GSE1: variants seen among roughly 807,000 people sequenced by gnomAD.
GSE1 encodes genetic suppressor element 1.
GSE1 carries 32 observed loss-of-function variants against 112.6 expected under a neutral mutation model. That is an observed-to-expected ratio of 0.28 (90% CI 0.21 to 0.38). GSE1 has a LOEUF of 0.38. Among genes scored for constraint, GSE1 ranks in the 10% least tolerant of loss-of-function variants. The pLI is 1.00. For missense variants in GSE1, 2,348 were observed against 1,699.2 expected (o/e 1.38, Z -6.71); for synonymous variants, 1,115 against 735.6 (o/e 1.52, Z -8.35).
chr16:85,176,998 G>C (rs572401678), intron 1 of GSE1, among the ~76,000 whole-genome samples: 12 of 152,360 alleles, frequency 7.9e-5, no homozygotes, highest in African/African-American at 2.6e-4. Flanking sequence ...GCCTGGCTGG[G>C]GCTGGTACTG....
chr16:85,564,381 G>A (rs759328420), intron 1 of GSE1, among the ~76,000 whole-genome samples: 7 of 152,214 alleles, frequency 4.6e-5, no homozygotes, highest in Non-Finnish European at 1.0e-4. Flanking sequence ...CCCACGTTGT[G>A]GTGTTGGTGG....
Position 85,672,419 on chromosome 16 carries a change from G to T in GSE1, c.3534G>T (p.Gln1178His). 1.2e-6 allele frequency: 2 copies of T among 1,612,270 alleles called. No individual in the cohort carries two copies. The highest frequency in any genetic ancestry group is 2.7e-5 in the African/African-American group (2 of 74,996). Residue 1178 changes from glutamine (Q) to histidine (H), a missense_variant, in exon 16 of 16, where the codon CAG becomes CAT. Gln to His is a conservative substitution (Grantham distance 24). Transcript: ENST00000253458. Reference sequence around the variant, plus strand: ...CCTCTCTCCAGGAGTTGAGGAGCCAGAAACAGAAGATGGTCTCAGAAAGGG... The same window carrying T: ...CCTCTCTCCAGGAGTTGAGGAGCCATAAACAGAAGATGGTCTCAGAAAGGG... ...LSHSVAELRSQKQKMVSERER... is the reference protein window; with the variant it reads ...LSHSVAELRSHKQKMVSERER...
chr16:85,195,560 A>C (rs2074910716), intron 1 of GSE1, among the ~76,000 whole-genome samples: 1 of 152,180 alleles, frequency 6.6e-6, no homozygotes, highest in Non-Finnish European at 1.5e-5. Flanking sequence ...CACATTTGTC[A>C]AATCCGCCTT....
At chr16:85,278,901 ACT>A (rs2044772984) in intron 1 of GSE1, 1 of 170,406 alleles carries the variant, frequency 5.9e-6, no homozygotes, top group South Asian at 1.5e-4. Flanking sequence ...TCTGCGAATG[ACT>A]CTTTCTTGGT....
At chr16:85,317,321 C>T (rs1373954201) in intron 1 of GSE1, among the ~76,000 whole-genome samples, 3 of 152,144 alleles carry the variant, frequency 2.0e-5, no homozygotes, top group Non-Finnish European at 2.9e-5. Context: ...TCCTGTAGAA[C>T]GTCGATAGCC....
chr16:85,248,200 C>A (rs767934555), intron 1 of GSE1, among the ~76,000 whole-genome samples: 7 of 152,122 alleles, frequency 4.6e-5, no homozygotes, highest in Non-Finnish European at 8.8e-5. Flanking sequence ...GATCCCTGTA[C>A]CCCTCAGAGA....
intron 2 of GSE1, among the ~76,000 whole-genome samples, chr16:85,462,431 C>G (rs534820256): frequency 1.3e-5 from 2 of 152,060 alleles, no homozygotes; most frequent in South Asian, 4.2e-4. Flanking sequence ...CCCCTCCTCC[C>G]TGATGAAAAA....
At chr16:85,226,405 TA>T (rs1597844076) in intron 1 of GSE1, among the ~76,000 whole-genome samples, 1 of 152,180 alleles carries the variant, frequency 6.6e-6, no homozygotes, top group African/African-American at 2.4e-5. Context: ...AAGTAAAAAA[TA>T]TTAAGTAAAG....
chr16:85,649,663 G>A (rs114763895), intron 3 of GSE1, among the ~76,000 whole-genome samples: 2,467 of 152,288 alleles, frequency 0.016, 71 homozygotes, highest in African/African-American at 0.056. Context: ...GCAGCCTGGA[G>A]TGGGCCCTTC....
chr16:85,205,250 A>G (rs746378346), intron 1 of GSE1, among the ~76,000 whole-genome samples: 3 of 151,706 alleles, frequency 2.0e-5, no homozygotes, highest in South Asian at 4.2e-4. Flanking sequence ...TCCTGCCTCA[A>G]CCTCCCGAGT....
intron 2 of GSE1, among the ~76,000 whole-genome samples, chr16:85,532,800 A>G (rs554108429): frequency 2.0e-5 from 3 of 152,232 alleles, no homozygotes; most frequent in Admixed American, 6.5e-5. Context: ...GCCTGTTCTT[A>G]TATGTGAGGG....
chr16:85,276,677 A>G (rs919128332), intron 1 of GSE1, among the ~76,000 whole-genome samples: 2 of 152,138 alleles, frequency 1.3e-5, no homozygotes, highest in Non-Finnish European at 2.9e-5. Context: ...GGCGGGAGAC[A>G]GGATGGACCC....
At chr16:85,321,655 T>C (rs1158543595) in intron 1 of GSE1, among the ~76,000 whole-genome samples, 1 of 151,074 alleles carries the variant, frequency 6.6e-6, no homozygotes, top group Non-Finnish European at 1.5e-5. Context: ...TTTGTTAATA[T>C]AAATAATAAT....
intron 1 of GSE1, among the ~76,000 whole-genome samples, chr16:85,188,846 C>T (rs1366260142): frequency 6.6e-6 from 1 of 151,446 alleles, no homozygotes; most frequent in Non-Finnish European, 1.5e-5. Context: ...CAGGAGTTTA[C>T]AAAGATCCAT....
At chr16:85,613,518 GGAGT>G in intron 1 of GSE1, 120 bp downstream of exon 1, 2 of 933,112 alleles carry the variant, frequency 2.1e-6, no homozygotes, top group Non-Finnish European at 3.2e-6. Context: ...CAACTTCCCC[GGAGT>G]GTTAGCGGCG....
intron 2 of GSE1, among the ~76,000 whole-genome samples, chr16:85,521,142 G>A (rs2052171461): frequency 2.0e-5 from 3 of 152,242 alleles, no homozygotes; most frequent in Non-Finnish European, 4.4e-5. Flanking sequence ...AGTGCTGGGA[G>A]GCCTTGGACT....
At chr16:85,567,435 C>G (rs1049907900) in intron 1 of GSE1, among the ~76,000 whole-genome samples, 1 of 152,214 alleles carries the variant, frequency 6.6e-6, no homozygotes, top group African/African-American at 2.4e-5. Flanking sequence ...CCCGAGTCGT[C>G]TGAAGGCTCC....
chr16:85,192,895 C>T (rs184713671), intron 1 of GSE1, among the ~76,000 whole-genome samples: 11 of 152,250 alleles, frequency 7.2e-5, no homozygotes, highest in Admixed American at 3.9e-4. Flanking sequence ...TGTGTAAATG[C>T]CCTCGCAAAC....
intron 1 of GSE1, among the ~76,000 whole-genome samples, chr16:85,585,783 AGT>A (rs1359149505): frequency 1.3e-5 from 2 of 152,228 alleles, no homozygotes; most frequent in African/African-American, 4.8e-5. Context: ...CTTCCCAGCC[AGT>A]GTCTTAAGTG....
Sources: gnomAD v4.1 joint callset for allele counts (sites outside exome capture counted in the v4.1 genomes callset) on GRCh38, gnomAD v4.1.1 for gene constraint, MANE v1.5 for transcripts, NCBI Gene and HGNC (gene_info 2026-07-23, HGNC 2026-07-21) for gene names.